MPP7: variants seen among roughly 807,000 people sequenced by gnomAD.
MPP7 encodes MAGUK p55 subfamily member 7.
MPP7 carries 60 observed loss-of-function variants against 76.5 expected under a neutral mutation model. The observed-to-expected ratio is 0.78, with a 90% CI of 0.64 to 0.97. MPP7 has a LOEUF of 0.97. Ranked by LOEUF, MPP7 falls within the 50% of genes least tolerant of loss-of-function variation. The pLI, the probability that MPP7 is intolerant of heterozygous loss-of-function variation, is 0.00. For missense variants in MPP7, 641 were observed against 694.0 expected, an observed-to-expected ratio of 0.92 and a Z score of 0.86; for synonymous variants, 237 against 244.5, an observed-to-expected ratio of 0.97 and a Z score of 0.29.
intron 1 of MPP7, among the ~76,000 whole-genome samples, chr10:28,333,290 C>T (rs1325001690): frequency 1.3e-5 from 2 of 152,142 alleles, no homozygotes; most frequent in Non-Finnish European, 2.9e-5. Context: ...AGATTACAGG[C>T]ACCCGCCACC....
intron 4 of MPP7, 34 bp downstream of exon 4, chr10:28,149,948 A>G (rs746540772): frequency 2.5e-6 from 4 of 1,584,214 alleles, no homozygotes; most frequent in Non-Finnish European, 3.5e-6. Flanking sequence ...TCTGCAGCAG[A>G]CACATCCCAG....
intron 3 of MPP7, among the ~76,000 whole-genome samples, chr10:28,154,749 G>GGC (rs1554842925): frequency 1.4e-5 from 2 of 140,248 alleles, no homozygotes; most frequent in African/African-American, 2.6e-5. Context: ...TTGGGGTGGG[G>GGC]GGTGGTGGGG....
chr10:28,119,203 T>C (rs927557592), intron 11 of MPP7: 8 of 325,856 alleles, frequency 2.5e-5, no homozygotes, highest in Non-Finnish European at 2.6e-5. Flanking sequence ...AGAAGTATTA[T>C]GATCTGGGGA....
rs370404564 is a variant in MPP7 at position 28,308,894 on chromosome 10, CTT to C, written c.-132+21033_-132+21034del. Reference sequence around the variant, plus strand: ...TTGATGTGAATCTGTAAAAACTGCTCTTGTTAATTAACACCAAGGACACGGAC... The same window carrying C: ...TTGATGTGAATCTGTAAAAACTGCTCGTTAATTAACACCAAGGACACGGAC... On this transcript the variant is annotated intron_variant, in intron 2 of 11. Coordinates refer to the MPP7 transcript ENST00000441595. 2.1e-3 allele frequency among the ~76,000 whole-genome samples: 306 copies of C among 148,870 alleles called. 3 individuals are homozygous for C. Among genetic ancestry groups the C allele is most frequent in the African/African-American group, 6.9e-3 (279 of 40,206 alleles).
At chr10:28,238,946 C>T (rs974307623) in intron 1 of MPP7, among the ~76,000 whole-genome samples, 1 of 151,854 alleles carries the variant, frequency 6.6e-6, no homozygotes, top group Non-Finnish European at 1.5e-5. Context: ...GTTCTGCATG[C>T]GTGTGTTGAG....
In MPP7 at chr10:28,193,115, C is replaced by T. The variant is rs148849002; in HGVS notation, c.156+9038G>A. On this transcript the variant is annotated intron_variant, in intron 3 of 16. Coordinates refer to ENST00000683449, the MANE Select transcript of MPP7 (RefSeq NM_001318170.2). ...GGTGGACAATAGAGCTAAATGTAAACGCAAAACTGTAAAACTTCTAGGAGA... is the reference window on the plus strand; with the variant it reads ...GGTGGACAATAGAGCTAAATGTAAATGCAAAACTGTAAAACTTCTAGGAGA... Among the ~76,000 whole-genome samples, 636 of 152,018 alleles carry T rather than the reference C, an allele frequency of 4.2e-3. 4 individuals carry two copies. Among genetic ancestry groups the T allele is most frequent in the African/African-American group, 0.015 (614 of 41,482 alleles).
At chr10:28,311,505 C>A (rs1297914333) in intron 2 of MPP7, among the ~76,000 whole-genome samples, 1 of 152,108 alleles carries the variant, frequency 6.6e-6, no homozygotes, top group Non-Finnish European at 1.5e-5. Flanking sequence ...GGTATGCTAA[C>A]CTGAGGAGCC....
At chr10:28,151,265 G>C (rs1474476749) in intron 3 of MPP7, among the ~76,000 whole-genome samples, 1 of 152,160 alleles carries the variant, frequency 6.6e-6, no homozygotes, top group Non-Finnish European at 1.5e-5. Flanking sequence ...AGAATGATCA[G>C]AGCCACATTT....
At chr10:28,107,704 A>G (rs1352686840) in intron 11 of MPP7, among the ~76,000 whole-genome samples, 1 of 152,164 alleles carries the variant, frequency 6.6e-6, no homozygotes, top group Admixed American at 6.5e-5. Flanking sequence ...CACTCCATGA[A>G]ACAGAAACAA....
chr10:28,104,430 T>G (rs774981558), intron 11 of MPP7, among the ~76,000 whole-genome samples: 9 of 152,204 alleles, frequency 5.9e-5, no homozygotes, highest in Non-Finnish European at 1.0e-4. Flanking sequence ...ATAGAATAGT[T>G]TTGCCATTTA....
intron 3 of MPP7, among the ~76,000 whole-genome samples, chr10:28,200,511 C>G (rs1164998538): frequency 6.6e-6 from 1 of 152,170 alleles, no homozygotes; most frequent in African/African-American, 2.4e-5. Context: ...TTGACATATA[C>G]TTTGAAAAAC....
chr10:28,065,239 C>T (rs1588714982), intron 13 of MPP7, among the ~76,000 whole-genome samples: 1 of 152,276 alleles, frequency 6.6e-6, no homozygotes, highest in Admixed American at 6.5e-5. Flanking sequence ...GATCACTTCC[C>T]TGACACACGG....
intron 3 of MPP7, among the ~76,000 whole-genome samples, chr10:28,158,755 T>C (rs986023215): frequency 2.0e-5 from 3 of 152,252 alleles, no homozygotes; most frequent in Admixed American, 2.0e-4. Context: ...CCTACAGCAC[T>C]ACAGGAGGTT....
At chr10:28,092,201 T>C (rs1853339555) in intron 11 of MPP7, among the ~76,000 whole-genome samples, 1 of 152,228 alleles carries the variant, frequency 6.6e-6, no homozygotes, top group Non-Finnish European at 1.5e-5. Context: ...TGATAACATG[T>C]TTCTGTGGCC....
intron 3 of MPP7, among the ~76,000 whole-genome samples, chr10:28,182,336 T>C (rs913278767): frequency 5.3e-5 from 8 of 152,206 alleles, no homozygotes; most frequent in African/African-American, 1.9e-4. Context: ...ATGGTCTGGA[T>C]TGGAAGTTGG....
intron 1 of MPP7, among the ~76,000 whole-genome samples, chr10:28,240,235 A>C (rs1839220708): frequency 6.6e-6 from 1 of 152,150 alleles, no homozygotes. Context: ...CAACAACAAA[A>C]AAACATTGGA....
chr10:28,056,665 C>A (rs761921730), intron 15 of MPP7, 42 bp from the exon 16 acceptor site: 5 of 1,487,830 alleles, frequency 3.4e-6, no homozygotes, highest in Non-Finnish European at 4.4e-6. Flanking sequence ...TTCTCCATAG[C>A]ATCATGAATT....
chr10:28,293,553 G>A, intron 1 of MPP7, among the ~76,000 whole-genome samples: 1 of 152,232 alleles, frequency 6.6e-6, no homozygotes, highest in Non-Finnish European at 1.5e-5. Flanking sequence ...CATGAATGGG[G>A]ATAGGTGATG....
intron 1 of MPP7, among the ~76,000 whole-genome samples, chr10:28,300,225 C>G (rs1238800226): frequency 6.6e-6 from 1 of 151,806 alleles, no homozygotes; most frequent in African/African-American, 2.4e-5. Flanking sequence ...AGTGCACCAT[C>G]TAGTGGAAGT....
Sources: gnomAD v4.1 joint callset for allele counts (sites outside exome capture counted in the v4.1 genomes callset) on GRCh38, gnomAD v4.1.1 for gene constraint, MANE v1.5 for transcripts, NCBI Gene and HGNC (gene_info 2026-07-23, HGNC 2026-07-21) for gene names.